The following ERICH5 variants were observed in gnomAD, a reference collection of about 807,000 sequenced individuals.
ERICH5 encodes glutamate rich 5, also known as glutamate-rich protein 5.
ERICH5 carries 24 observed loss-of-function variants against 28.0 expected under a neutral mutation model. The observed-to-expected ratio is 0.86, with a 90% CI of 0.62 to 1.21. The LOEUF (loss-of-function observed/expected upper bound fraction) is 1.21, where lower values mean the gene tolerates loss of function less well. Ranked by LOEUF, ERICH5 falls within the 50% of genes most tolerant of loss-of-function variation. The pLI is 0.00. For missense variants in ERICH5, 421 were observed against 441.2 expected (o/e 0.95, Z 0.41); for synonymous variants, 163 against 157.6 (o/e 1.03, Z -0.25).
chr8:98,067,959 T>A (rs1251735934), intron 1 of ERICH5, among the ~76,000 whole-genome samples: 1 of 152,060 alleles, frequency 6.6e-6, no homozygotes, highest in African/African-American at 2.4e-5. Flanking sequence ...TTCTAAATAT[T>A]AGTCTAATCC....
Position 98,093,346 on chromosome 8 carries a change from A to G in ERICH5, c.*13A>G. On this transcript the variant is annotated 3_prime_UTR_variant, in exon 3 of 3. Transcript: ENST00000318528. ...AGCAGCCACATAGATAGAAGAGTGA[A>G]CCGACACAGTGTGTTATCATAGAGG... 1 of 1,578,008 alleles carries G rather than the reference A, an allele frequency of 6.3e-7. No individual in the cohort carries two copies. The highest frequency in any genetic ancestry group is 8.7e-7 in the Non-Finnish European group (1 of 1,148,330).
chr8:98,091,879 T>C (rs990522237), intron 2 of ERICH5, among the ~76,000 whole-genome samples: 6 of 94,756 alleles, frequency 6.3e-5, no homozygotes, highest in African/African-American at 1.2e-4. Context: ...TTTCTTTCTT[T>C]CTTTCTTTCT....
chr8:98,084,526 G>A (rs151321819), intron 1 of ERICH5, among the ~76,000 whole-genome samples: 2,271 of 152,148 alleles, frequency 0.015, 44 homozygotes, highest in African/African-American at 0.05. Context: ...GATTACAGGT[G>A]CATGCAACCA....
chr8:98,079,332 A>G (rs1243705346), intron 1 of ERICH5, among the ~76,000 whole-genome samples: 1 of 151,822 alleles, frequency 6.6e-6, no homozygotes. Flanking sequence ...CACCATGCCC[A>G]GCTAATCCAA....
rs1815354208 is a variant in ERICH5 at position 98,089,969 on chromosome 8, G to T, written c.952G>T (p.Gly318Ter). The change falls in exon 2 of 3, where the codon GGA becomes TGA. Residue 318 changes from glycine (G) to a stop codon, truncating the protein, a stop_gained. Transcript: ENST00000318528. LOFTEE classifies it high-confidence loss of function. ...MEHPARNVEA[G>*]AYVEMIRNIH... ...GCATCCAGCACGAAATGTAGAGGCAGGAGCATATGTGGAAATGATCAGGAA... is the reference window on the plus strand; with the variant it reads ...GCATCCAGCACGAAATGTAGAGGCATGAGCATATGTGGAAATGATCAGGAA... 2 of 1,614,126 alleles carry T rather than the reference G, an allele frequency of 1.2e-6. No individual in the cohort carries two copies. Among genetic ancestry groups the T allele is most frequent in the South Asian group, 2.2e-5 (2 of 91,048 alleles).
At chr8:98,079,476 T>G (rs965566732) in intron 1 of ERICH5, among the ~76,000 whole-genome samples, 5 of 152,226 alleles carry the variant, frequency 3.3e-5, no homozygotes, top group African/African-American at 1.2e-4. Flanking sequence ...AATTTATGAA[T>G]GGCCTTTATT....
intron 1 of ERICH5, among the ~76,000 whole-genome samples, chr8:98,078,753 A>G (rs190058286): frequency 6.6e-6 from 1 of 152,366 alleles, no homozygotes; most frequent in East Asian, 1.9e-4. Flanking sequence ...CAAGGGAGAT[A>G]ATGAGCACCA....
At chr8:98,076,066 G>A (rs1815047704) in intron 1 of ERICH5, among the ~76,000 whole-genome samples, 1 of 92,784 alleles carries the variant, frequency 1.1e-5, no homozygotes, top group East Asian at 3.3e-4. Context: ...TACGCTTTTT[G>A]TGAGATGGAG....
intron 1 of ERICH5, among the ~76,000 whole-genome samples, chr8:98,088,104 T>G (rs1815312802): frequency 1.1e-5 from 1 of 91,296 alleles, no homozygotes; most frequent in Non-Finnish European, 2.7e-5. Flanking sequence ...ATATTGGGAT[T>G]ATATATATAT....
Position 98,089,079 on chromosome 8 carries a change from C to A in ERICH5, c.62C>A (p.Thr21Asn). Residue 21 changes from threonine to asparagine, a missense_variant, in exon 2 of 3, where the codon ACT becomes AAT. Transcript: ENST00000318528. ...AGDSSRFPSV[T>N]SNEHFSTAEE... Reference sequence around the variant, plus strand: ...TTTTTCAAATGAATAACCAAAGTAACTTCAAATGAGCATTTTTCAACTGCA... The same window carrying A: ...TTTTTCAAATGAATAACCAAAGTAAATTCAAATGAGCATTTTTCAACTGCA... 1.3e-6 allele frequency: 2 copies of A among 1,596,566 alleles called. No individual in the cohort carries two copies. The highest frequency in any genetic ancestry group is 1.7e-6 in the Non-Finnish European group (2 of 1,172,748).
intron 1 of ERICH5, among the ~76,000 whole-genome samples, chr8:98,073,871 G>A (rs185947330): frequency 2.9e-4 from 43 of 149,052 alleles, no homozygotes; most frequent in Admixed American, 2.6e-3. Context: ...TCAAGTTCTA[G>A]ATCCCTGAGT....
At chr8:98,066,753 A>G (rs988268428) in intron 1 of ERICH5, among the ~76,000 whole-genome samples, 1 of 152,196 alleles carries the variant, frequency 6.6e-6, no homozygotes, top group African/African-American at 2.4e-5. Context: ...TCGATCAAAC[A>G]ATACTCTCTT....
rs193020178 is a variant in ERICH5, at chr8:98,065,919, C to T, written c.58+1192C>T. Among the ~76,000 whole-genome samples the T allele has an allele frequency of 5.3e-5, 8 of 152,236 alleles. No homozygotes were observed. The East Asian group carries it at 1.4e-3, about 26-fold the overall frequency. The stretch of plus-strand genomic sequence containing the variant: ...GCTTTTCAAAGCTCAGCCGCTGTGT[C>T]CTAGTCAGAAATATGTTGTGTTGCT... On this transcript the variant is annotated intron_variant, in intron 1 of 2. Transcript: ENST00000318528.
chr8:98,083,921 G>T (rs191376790), intron 1 of ERICH5, among the ~76,000 whole-genome samples: 17 of 152,184 alleles, frequency 1.1e-4, no homozygotes, highest in African/African-American at 3.9e-4. Context: ...TCACTCCCTT[G>T]CCCAGGCTGA....
At chr8:98,078,768 A>T (rs568801971) in intron 1 of ERICH5, among the ~76,000 whole-genome samples, 3 of 152,354 alleles carry the variant, frequency 2.0e-5, no homozygotes, top group Admixed American at 1.3e-4. Context: ...GCACCAAAGG[A>T]TTAGGCTCAG....
At chr8:98,078,985 A>G (rs959308052) in intron 1 of ERICH5, among the ~76,000 whole-genome samples, 8 of 152,114 alleles carry the variant, frequency 5.3e-5, no homozygotes, top group Non-Finnish European at 7.4e-5. Flanking sequence ...ACCTTTTTCT[A>G]CTTTGAGGAG....
chr8:98,068,013 A>G (rs1361734352), intron 1 of ERICH5, among the ~76,000 whole-genome samples: 2 of 151,678 alleles, frequency 1.3e-5, no homozygotes, highest in African/African-American at 2.4e-5. Context: ...AATATTATAT[A>G]TTTATTTTAT....
chr8:98,077,015 C>A (rs1043966908), intron 1 of ERICH5, among the ~76,000 whole-genome samples: 1 of 151,940 alleles, frequency 6.6e-6, no homozygotes, highest in Non-Finnish European at 1.5e-5. Flanking sequence ...GTAATCCCAG[C>A]ACTTTAAAAG....
At chr8:98,076,022 C>T (rs535214156) in intron 1 of ERICH5, among the ~76,000 whole-genome samples, 19 of 151,912 alleles carry the variant, frequency 1.3e-4, no homozygotes, top group African/African-American at 4.1e-4. Context: ...TGGGTCTGTC[C>T]ACCCCTCTTA....
Sources: gnomAD v4.1 joint callset for allele counts (sites outside exome capture counted in the v4.1 genomes callset) on GRCh38, gnomAD v4.1.1 for gene constraint, MANE v1.5 for transcripts, NCBI Gene and HGNC (gene_info 2026-07-23, HGNC 2026-07-21) for gene names.